The following PANK4 variants were observed in gnomAD, a reference collection of about 807,000 sequenced individuals.
The protein encoded by PANK4 is pantothenate kinase 4 (inactive).
A neutral mutation model predicts 87.9 loss-of-function variants in PANK4; 40 were observed. That is an observed-to-expected ratio of 0.46 (90% CI 0.35 to 0.59). PANK4 has a LOEUF of 0.59. Ranked by LOEUF, PANK4 falls within the 20% of genes least tolerant of loss-of-function variation. The pLI is 0.00. For missense variants in PANK4, 926 were observed against 1,072.3 expected, an observed-to-expected ratio of 0.86 and a Z score of 1.90; for synonymous variants, 524 against 467.4, an observed-to-expected ratio of 1.12 and a Z score of -1.56.
At position 2,519,849 on chromosome 1, in the gene PANK4, C is replaced by T. The variant is rs769298943; in HGVS notation, c.805G>A (p.Gly269Arg). 8.9e-6 allele frequency: 14 copies of T among 1,575,050 alleles called. No homozygotes were observed. The highest frequency in any genetic ancestry group is 1.2e-5 in the South Asian group (1 of 86,378). The change falls in exon 6 of 19, where the codon GGG becomes AGG. Residue 269 changes from glycine (G) to arginine (R), a missense_variant. Transcript: ENST00000378466. This position sits in a 1 kb window ranked among gnomAD's most constrained non-coding sequence, Gnocchi z 8.3. ...GGAHQTLGLS[G>R]NLIASSFGKS... Reference sequence around the variant, plus strand: ...CCGAAGCTGCTGGCGATGAGGTTCCCGCTCAGCCCGAGAGTCTGGTGGGCG... The same window carrying T: ...CCGAAGCTGCTGGCGATGAGGTTCCTGCTCAGCCCGAGAGTCTGGTGGGCG...
At chr1:2,522,684 T>C (rs576534343) in intron 1 of PANK4, among the ~76,000 whole-genome samples, 16 of 52,668 alleles carry the variant, frequency 3.0e-4, no homozygotes, top group East Asian at 5.5e-4. Flanking sequence ...TTTGAGTGCA[T>C]TGCGCGGTGC....
Position 2,515,954 on chromosome 1 carries a change from C to T in PANK4, c.1219-237G>A. 1 of 576,666 alleles carries T rather than the reference C, an allele frequency of 1.7e-6. No individual in the cohort carries two copies. Among genetic ancestry groups the T allele is most frequent in the Non-Finnish European group, 3.1e-6 (1 of 323,132 alleles). 35.7% of individuals were successfully genotyped at this position (576,666 alleles called of 1,614,324 possible). The stretch of plus-strand genomic sequence containing the variant: ...GGTTGCGTCTGCTCCCACCACACGC[C>T]TCCTGCCCCCAGCACCTCCCCGCTG... On this transcript the variant is annotated intron_variant, in intron 9 of 18. Transcript: ENST00000378466. This position sits in a 1 kb window ranked among gnomAD's most constrained non-coding sequence, Gnocchi z 5.0.
chr1:2,518,413 G>T, intron 8 of PANK4, 103 bp downstream of exon 8: 1 of 1,072,718 alleles, frequency 9.3e-7, no homozygotes, highest in Non-Finnish European at 1.4e-6. Context: ...GAGGACTCAC[G>T]CTCCCCACCC....
At chr1:2,513,266 A>G (rs944696442) in intron 12 of PANK4, among the ~76,000 whole-genome samples, 1 of 152,214 alleles carries the variant, frequency 6.6e-6, no homozygotes, top group Non-Finnish European at 1.5e-5. Flanking sequence ...CATGTGACTG[A>G]GCAGTGGGTG....
chr1:2,523,415 G>C (rs891285672), intron 1 of PANK4, among the ~76,000 whole-genome samples: 2 of 152,206 alleles, frequency 1.3e-5, no homozygotes, highest in Non-Finnish European at 2.9e-5. Context: ...ACTCACCTCA[G>C]TAAATAAATC....
Position 2,510,844 on chromosome 1 carries a change from C to A in PANK4, c.1834-62G>T. 1 of 954,438 alleles carries A rather than the reference C, an allele frequency of 1.0e-6. No homozygotes were observed. The highest frequency in any genetic ancestry group is 1.3e-5 in the South Asian group (1 of 77,366). 59.1% of individuals were successfully genotyped at this position (954,438 alleles called of 1,614,324 possible). On this transcript the variant is annotated intron_variant, in intron 15 of 18. Coordinates refer to ENST00000378466, the MANE Select transcript of PANK4 (RefSeq NM_018216.4). The surrounding 1 kb of genome is among the most constrained non-coding windows in gnomAD (Gnocchi z 4.9). ...GCGCATCCAAGCGAGTCAGTCCGCA[C>A]CCCTGCTGCCCGTCACGCTGCCCTG... is the stretch of plus-strand genomic sequence containing the variant.
intron 1 of PANK4, among the ~76,000 whole-genome samples, chr1:2,524,769 G>C (rs762031849): frequency 6.6e-6 from 1 of 152,168 alleles, no homozygotes; most frequent in African/African-American, 2.4e-5. Flanking sequence ...ATTTAATCCC[G>C]ACTTGCTTCC....
Position 2,509,824 on chromosome 1 carries a change from C to T in PANK4, c.2108+38G>A. 1 of 1,583,462 alleles carries T rather than the reference C, an allele frequency of 6.3e-7. No individual in the cohort carries two copies. The highest frequency in any genetic ancestry group is 1.1e-5 in the South Asian group (1 of 89,782). On this transcript the variant is annotated intron_variant, in intron 18 of 18. Transcript: ENST00000378466. The surrounding 1 kb of genome is among the most constrained non-coding windows in gnomAD (Gnocchi z 4.9). ...GGTGCACGGCACAGAGGGCACAGAG[C>T]CCAGGAGGGAGAGAACAGGTGCAGG... is the stretch of plus-strand genomic sequence containing the variant.
chr1:2,515,525 G>A lies in PANK4; in HGVS notation c.1374+37C>T, dbSNP rs1643754288. The A allele has an allele frequency of 6.2e-7, 1 of 1,605,812 alleles. No individual in the cohort carries two copies. Among genetic ancestry groups the A allele is most frequent in the Non-Finnish European group, 8.5e-7 (1 of 1,174,396 alleles). ...GCCTTGGAAGGTTAACCCGGCTGCG[G>A]CCTTGGAATCGTCTAGACGGCACCC... On this transcript the variant is annotated intron_variant, in intron 10 of 18. Transcript: ENST00000378466. The surrounding 1 kb of genome is among the most constrained non-coding windows in gnomAD (Gnocchi z 5.0).
chr1:2,521,025 G>A, intron 3 of PANK4, 76 bp downstream of exon 3: 1 of 1,534,688 alleles, frequency 6.5e-7, no homozygotes, highest in Non-Finnish European at 9.0e-7. Flanking sequence ...ACGAGCGCCA[G>A]GGACGCGGCT....
In PANK4 at chr1:2,519,647, C is replaced by T. The variant is rs915008296; in HGVS notation, c.853+154G>A. Among the ~76,000 whole-genome samples the T allele has an allele frequency of 2.6e-5, 4 of 152,240 alleles. No homozygotes were observed. The highest frequency in any genetic ancestry group is 5.9e-5 in the Non-Finnish European group (4 of 68,048). On this transcript the variant is annotated intron_variant, in intron 6 of 18. Transcript: ENST00000378466. The surrounding 1 kb of genome is among the most constrained non-coding windows in gnomAD (Gnocchi z 8.3). ...TCTGAGCAGTGGGCCTGAGCTGCAG[C>T]GACTCGGCAGGAAGAGGTTACAGGG... is the stretch of plus-strand genomic sequence containing the variant.
At chr1:2,513,081 C>G in intron 12 of PANK4, 42 bp from the exon 13 acceptor site, 1 of 1,551,106 alleles carries the variant, frequency 6.4e-7, no homozygotes, top group Admixed American at 1.8e-5. Context: ...GAAGACGTGG[C>G]CTCAGCCCAC....
In PANK4 at chr1:2,515,218, G is replaced by C; in HGVS notation, c.1374+344C>G. 1 of 468,666 alleles carries C rather than the reference G, an allele frequency of 2.1e-6. No homozygotes were observed. Among genetic ancestry groups the C allele is most frequent in the East Asian group, 5.5e-5 (1 of 18,178 alleles). 29.0% of individuals were successfully genotyped at this position (468,666 alleles called of 1,614,324 possible). A position where few individuals can be genotyped will look rare whatever the true frequency, so the allele number is the denominator to read the frequency against. ...GGGGCTGAGTCTCACCCCACCCCCA[G>C]AGTCAGGGTCCCACAATGCCTCCCG... On this transcript the variant is annotated intron_variant, in intron 10 of 18. Coordinates refer to ENST00000378466, the MANE Select transcript of PANK4 (RefSeq NM_018216.4). The surrounding 1 kb of genome is among the most constrained non-coding windows in gnomAD (Gnocchi z 5.0).
chr1:2,518,682 C>T (rs924793785), intron 7 of PANK4, 85 bp from the exon 8 acceptor site: 54 of 1,163,012 alleles, frequency 4.6e-5, no homozygotes, highest in Middle Eastern at 1.9e-4. Flanking sequence ...GCGCGGGCCT[C>T]GCACCGCGCG....
At chr1:2,521,627 A>G (rs1452940302) in intron 2 of PANK4, 91 bp downstream of exon 2, 3 of 1,023,024 alleles carry the variant, frequency 2.9e-6, no homozygotes, top group East Asian at 2.4e-5. Context: ...CGAGGTCTGC[A>G]GCAGCAGAGG....
chr1:2,526,362 G>GCGCCCCCGCCCTTCGTCCTTCCCGC lies in PANK4; in HGVS notation c.124+77_124+101dup, dbSNP rs1352282587. On this transcript the variant is annotated intron_variant, in intron 1 of 18. Coordinates refer to ENST00000378466, the MANE Select transcript of PANK4 (RefSeq NM_018216.4). ...GCCCGTGAGGCTGTGCGCGAGGCCCGCGCCCCCGCCCTTCGTCCTTCCCGC... is the reference window on the plus strand; with the variant it reads ...GCCCGTGAGGCTGTGCGCGAGGCCCGCGCCCCCGCCCTTCGTCCTTCCCGCCGCCCCCGCCCTTCGTCCTTCCCGC... 1.6e-5 allele frequency: 11 copies of GCGCCCCCGCCCTTCGTCCTTCCCGC among 668,830 alleles called. No homozygotes were observed. In the East Asian group the frequency reaches 6.8e-4, roughly 41 times the overall value. 41.4% of individuals were successfully genotyped at this position (668,830 alleles called of 1,614,324 possible).
At chr1:2,513,928 GAC>G (rs1643710630) in intron 12 of PANK4, 72 bp downstream of exon 12, 1 of 1,134,894 alleles carries the variant, frequency 8.8e-7, no homozygotes, top group Admixed American at 1.7e-5. Flanking sequence ...GAGCCAGCGG[GAC>G]AGAGACAGGA....
In PANK4 at chr1:2,519,057, G is replaced by A. The variant is rs1643837260; in HGVS notation, c.1035+86C>T. On this transcript the variant is annotated intron_variant, in intron 7 of 18. Transcript: ENST00000378466. This position sits in a 1 kb window ranked among gnomAD's most constrained non-coding sequence, Gnocchi z 8.3. ...CCCCACCCTCCAGGCCTCCCTGGGGGTGCTGCGGTGTCTAACCAGCATGAC... is the reference window on the plus strand; with the variant it reads ...CCCCACCCTCCAGGCCTCCCTGGGGATGCTGCGGTGTCTAACCAGCATGAC... The A allele has an allele frequency of 3.9e-6, 5 of 1,279,630 alleles. No individual in the cohort carries two copies. The highest frequency in any genetic ancestry group is 4.4e-6 in the Non-Finnish European group (4 of 904,402). 79.3% of individuals were successfully genotyped at this position (1,279,630 alleles called of 1,614,324 possible).
intron 10 of PANK4, among the ~76,000 whole-genome samples, chr1:2,514,966 G>T (rs1190607004): frequency 6.6e-6 from 1 of 152,066 alleles, no homozygotes; most frequent in Non-Finnish European, 1.5e-5. Context: ...AGCTCACTCC[G>T]GGTCCTGGGC....
Sources: gnomAD v4.1 joint callset for allele counts (sites outside exome capture counted in the v4.1 genomes callset) on GRCh38, gnomAD v4.1.1 for gene constraint, Gnocchi (gnomAD v3.1) non-coding constraint, MANE v1.5 for transcripts, NCBI Gene and HGNC (gene_info 2026-07-23, HGNC 2026-07-21) for gene names.